Variants in ADAMTS3 observed in about 807,000 individuals in gnomAD.
The protein encoded by ADAMTS3 is ADAM metallopeptidase with thrombospondin type 1 motif 3, also known as A disintegrin and metalloproteinase with thrombospondin motifs 3.
A neutral mutation model predicts 129.0 loss-of-function variants in ADAMTS3; 73 were observed. The observed-to-expected ratio is 0.57, with a 90% CI of 0.47 to 0.69. ADAMTS3 has a LOEUF of 0.69. Among genes scored for constraint, ADAMTS3 ranks in the 30% least tolerant of loss-of-function variants. ADAMTS3 has a pLI of 0.00. For synonymous variants in ADAMTS3, 477 were observed against 510.8 expected (o/e 0.93, Z 0.89); for missense variants, 1,457 against 1,514.5 (o/e 0.96, Z 0.63).
chr4:72,520,684 G>C (rs1720643841), intron 3 of ADAMTS3, among the ~76,000 whole-genome samples: 1 of 152,204 alleles, frequency 6.6e-6, no homozygotes, highest in South Asian at 2.1e-4. Flanking sequence ...TGTTTCCTAA[G>C]CCTGTCAGAA....
chr4:72,376,382 C>T (rs1042448273), intron 4 of ADAMTS3, among the ~76,000 whole-genome samples: 3 of 152,100 alleles, frequency 2.0e-5, no homozygotes, highest in Non-Finnish European at 2.9e-5. Context: ...TAGCATTAAC[C>T]ATCACAGACT....
chr4:72,494,939 G>A (rs1365048900), intron 3 of ADAMTS3, among the ~76,000 whole-genome samples: 1 of 152,148 alleles, frequency 6.6e-6, no homozygotes, highest in Non-Finnish European at 1.5e-5. Context: ...AAGGACTCTT[G>A]GTGTCCTTAA....
At chr4:72,565,138 A>C in intron 2 of ADAMTS3, among the ~76,000 whole-genome samples, 1 of 152,174 alleles carries the variant, frequency 6.6e-6, no homozygotes, top group Admixed American at 6.5e-5. Context: ...GTATTTTTAA[A>C]ATTTAGTTTC....
chr4:72,288,946 A>ACACACACACACACC, intron 20 of ADAMTS3, 78 bp from the exon 21 acceptor site: 1 of 749,108 alleles, frequency 1.3e-6, no homozygotes, highest in South Asian at 1.6e-5. Flanking sequence ...ACACACACAC[A>ACACACACACACACC]CACACACACA....
chr4:72,542,377 G>A (rs1014057780), intron 3 of ADAMTS3, among the ~76,000 whole-genome samples: 1 of 152,006 alleles, frequency 6.6e-6, no homozygotes, highest in African/African-American at 2.4e-5. Context: ...CGTTAGCCAG[G>A]ATGGTCTCGA....
At chr4:72,527,321 T>A (rs749028840) in intron 3 of ADAMTS3, among the ~76,000 whole-genome samples, 49 of 152,144 alleles carry the variant, frequency 3.2e-4, no homozygotes, top group Non-Finnish European at 6.2e-4. Flanking sequence ...TGTTACTTAT[T>A]TCAAAAAGCA....
intron 12 of ADAMTS3, 78 bp from the exon 13 acceptor site, chr4:72,312,544 GCA>G: frequency 7.0e-7 from 1 of 1,424,200 alleles, no homozygotes. Flanking sequence ...GTGCTTGAGG[GCA>G]CAAAGCCAAA....
At chr4:72,315,172 T>A (rs1274416778) in intron 11 of ADAMTS3, among the ~76,000 whole-genome samples, 2 of 152,188 alleles carry the variant, frequency 1.3e-5, no homozygotes, top group Non-Finnish European at 2.9e-5. Flanking sequence ...GTCAATCAGA[T>A]CCCACTACCA....
At chr4:72,517,742 T>C (rs1720531797) in intron 3 of ADAMTS3, among the ~76,000 whole-genome samples, 2 of 151,880 alleles carry the variant, frequency 1.3e-5, no homozygotes, top group Non-Finnish European at 2.9e-5. Context: ...TCTTTATTAG[T>C]CTTGCTAGTG....
intron 14 of ADAMTS3, among the ~76,000 whole-genome samples, chr4:72,309,830 G>C (rs973899704): frequency 6.6e-6 from 1 of 152,022 alleles, no homozygotes; most frequent in Non-Finnish European, 1.5e-5. Context: ...GAGGAGACAA[G>C]AAAACAACAA....
chr4:72,430,550 T>A (rs1017800677), intron 3 of ADAMTS3, among the ~76,000 whole-genome samples: 14 of 151,976 alleles, frequency 9.2e-5, no homozygotes, highest in Non-Finnish European at 1.9e-4. Context: ...ACCCAGACTT[T>A]CTGAAGCAAA....
intron 4 of ADAMTS3, among the ~76,000 whole-genome samples, chr4:72,346,835 C>T (rs1454302285): frequency 3.9e-5 from 6 of 152,050 alleles, no homozygotes; most frequent in South Asian, 2.1e-4. Flanking sequence ...TGCAGTTACA[C>T]GAACTTACAC....
At chr4:72,552,818 T>C (rs1878757) in intron 2 of ADAMTS3, among the ~76,000 whole-genome samples, 148,872 of 152,250 alleles carry the variant, frequency 0.98, 72,878 homozygotes, top group East Asian at 1. Flanking sequence ...TCCTGACCAC[T>C]AGCAACCATT....
At position 72,281,786 on chromosome 4, in the gene ADAMTS3, A is replaced by C. The variant is rs1305390471; in HGVS notation, c.*1350T>G. ...CAAAATATGTAATTGATATTAGTGT[A>C]AATATTTAGTACATAAAAATACTAT... On this transcript the variant is annotated 3_prime_UTR_variant, in exon 22 of 22. Coordinates refer to ENST00000286657, the MANE Select transcript of ADAMTS3 (RefSeq NM_014243.3). 3 of 147,934 alleles carry C rather than the reference A, an allele frequency of 2.0e-5. No individual in the cohort carries two copies. Among genetic ancestry groups the C allele is most frequent in the African/African-American group, 7.5e-5 (3 of 40,052 alleles). The allele number at this position is 147,934 out of a possible 1,614,324, so 9.2% of individuals were successfully genotyped here.
chr4:72,556,620 A>G (rs1193121003), intron 2 of ADAMTS3, among the ~76,000 whole-genome samples: 3 of 151,812 alleles, frequency 2.0e-5, no homozygotes, highest in Non-Finnish European at 1.5e-5. Context: ...ATGATGGTTG[A>G]GCACTAAAGG....
intron 3 of ADAMTS3, among the ~76,000 whole-genome samples, chr4:72,443,266 A>G: frequency 6.6e-6 from 1 of 151,702 alleles, no homozygotes; most frequent in East Asian, 2.0e-4. Context: ...CTTCCATTAC[A>G]TGGTACAACA....
rs368078252 is a variant in ADAMTS3, at chr4:72,548,840, C to A, written c.142G>T (p.Val48Phe). 10 of 1,613,522 alleles carry A rather than the reference C, an allele frequency of 6.2e-6. No individual in the cohort carries two copies. Among genetic ancestry groups the A allele is most frequent in the African/African-American group, 1.3e-5 (1 of 74,896 alleles). ...RYREYELVTPVSTNLEGRYLS... is the reference protein window; with the variant it reads ...RYREYELVTPFSTNLEGRYLS... ...TAGCGTCCTTCTAGATTTGTGCTGA[C>A]TGGAGTCACCAGCTCATACTCTCTA... Residue 48 changes from valine (V) to phenylalanine (F), a missense_variant, in exon 3 of 22, where the codon GTC (valine) becomes TTC (phenylalanine). Physicochemically the swap from Val to Phe is conservative, Grantham distance 50. Coordinates refer to ENST00000286657, the MANE Select transcript of ADAMTS3 (RefSeq NM_014243.3).
chr4:72,395,176 C>T (rs921723225), intron 4 of ADAMTS3, among the ~76,000 whole-genome samples: 5 of 152,116 alleles, frequency 3.3e-5, no homozygotes, highest in Admixed American at 6.5e-5. Flanking sequence ...CCACCTGCCT[C>T]GGCCTCCCAA....
At chr4:72,305,480 TAG>T (rs1412936372) in intron 16 of ADAMTS3, among the ~76,000 whole-genome samples, 1 of 152,064 alleles carries the variant, frequency 6.6e-6, no homozygotes, top group Non-Finnish European at 1.5e-5. Context: ...TTCCTTGATT[TAG>T]TGGATTTTAT....
Sources: allele counts gnomAD v4.1 joint callset (sites outside exome capture counted in the v4.1 genomes callset), GRCh38; gene constraint gnomAD v4.1.1; transcripts MANE v1.5; gene names NCBI Gene and HGNC (gene_info 2026-07-23, HGNC 2026-07-21).